MGAM: variants seen among roughly 807,000 people sequenced by gnomAD.
MGAM encodes the protein maltase-glucoamylase, also known as alpha-1,4-glucosidase.
MGAM carries 253 observed loss-of-function variants against 358.8 expected under a neutral mutation model. The ratio of observed to expected loss-of-function variants is 0.71; its 90% CI spans 0.64 to 0.78. The LOEUF (loss-of-function observed/expected upper bound fraction) is 0.78, where lower values mean the gene tolerates loss of function less well. Among genes scored for constraint, MGAM ranks in the 30% least tolerant of loss-of-function variants. The pLI, the probability that MGAM is intolerant of heterozygous loss-of-function variation, is 0.00. For synonymous variants in MGAM, 1,105 were observed against 1,227.1 expected (o/e 0.90, Z 2.08); for missense variants, 3,080 against 3,432.6 (o/e 0.90, Z 2.57).
In MGAM at chr7:142,105,983, T is replaced by A; in HGVS notation, c.*92T>A. On this transcript the variant is annotated 3_prime_UTR_variant, in exon 71 of 71. Coordinates refer to ENST00000475668, the MANE Select transcript of MGAM (RefSeq NM_001365693.1). ...AAATTATTGTGTGTTGCTAATTTGT[T>A]CATACCCACTATTGGTGAAATATTT... is the stretch of plus-strand genomic sequence containing the variant. 1.0e-5 allele frequency: 10 copies of A among 968,374 alleles called. No homozygotes were observed. Among genetic ancestry groups the A allele is most frequent in the Non-Finnish European group, 1.6e-5 (10 of 611,966 alleles). The allele number at this position is 968,374 out of a possible 1,614,324, so 60.0% of individuals were successfully genotyped here.
Position 142,075,326 on chromosome 7 carries a change from G to A in MGAM, c.5276-877G>A, listed in dbSNP as rs1444704540. On this transcript the variant is annotated intron_variant, in intron 45 of 70. Transcript: ENST00000475668. Reference sequence around the variant, plus strand: ...AAATTGAAATGTAAGGGCTAAAATTGTAAAGCTCCTAGAAGAAAACATAGC... The same window carrying A: ...AAATTGAAATGTAAGGGCTAAAATTATAAAGCTCCTAGAAGAAAACATAGC... 2.7e-5 allele frequency among the ~76,000 whole-genome samples: 4 copies of A among 146,176 alleles called. 2 individuals are homozygous for A. Among genetic ancestry groups the A allele is most frequent in the Non-Finnish European group, 6.2e-5 (4 of 64,622 alleles).
chr7:142,047,663 G>T (rs1485555732), intron 21 of MGAM, 122 bp from the exon 22 acceptor site: 1 of 883,118 alleles, frequency 1.1e-6, no homozygotes, highest in Non-Finnish European at 1.8e-6. Flanking sequence ...TGTGCCTGAA[G>T]AAAAGCAGAA....
Position 142,052,998 on chromosome 7 carries a change from A to G in MGAM, c.3159+14A>G, listed in dbSNP as rs756272333. 9 of 1,612,042 alleles carry G rather than the reference A, an allele frequency of 5.6e-6. No individual in the cohort carries two copies. The highest frequency in any genetic ancestry group is 2.7e-5 in the African/African-American group (2 of 74,868). On this transcript the variant is annotated intron_variant, in intron 26 of 70. Transcript: ENST00000475668. ...CTGCAGTTCAAGGTAAACACAGTAC[A>G]TGTATCAGGTAGTGATTAGACCCTT...
At chr7:142,001,618 C>T (rs1554450646) in intron 1 of MGAM, among the ~76,000 whole-genome samples, 1 of 152,158 alleles carries the variant, frequency 6.6e-6, no homozygotes, top group African/African-American at 2.4e-5. Flanking sequence ...GGCTCCTCTT[C>T]CTGGCTTTCT....
intron 1 of MGAM, among the ~76,000 whole-genome samples, chr7:141,998,378 G>T (rs1804443516): frequency 6.6e-6 from 1 of 152,010 alleles, no homozygotes; most frequent in African/African-American, 2.4e-5. Flanking sequence ...CATGCATTAG[G>T]TATTTGTCAT....
chr7:142,018,528 T>C (rs1311875014), intron 3 of MGAM, among the ~76,000 whole-genome samples: 1 of 152,208 alleles, frequency 6.6e-6, no homozygotes, highest in African/African-American at 2.4e-5. Context: ...TTCTTTGTCC[T>C]TTTTTGTATT....
chr7:142,023,687 A>G (rs555445396), intron 7 of MGAM, among the ~76,000 whole-genome samples: 3 of 152,088 alleles, frequency 2.0e-5, no homozygotes, highest in African/African-American at 7.2e-5. Context: ...TCAAAAAAAA[A>G]GAGGTTGTAA....
intron 44 of MGAM, among the ~76,000 whole-genome samples, chr7:142,071,351 AT>A: frequency 6.8e-6 from 1 of 146,766 alleles, no homozygotes; most frequent in South Asian, 2.2e-4. Context: ...TAAGAATGTC[AT>A]TTTTTAAATC....
At position 142,056,913 on chromosome 7, in the gene MGAM, C is replaced by T; in HGVS notation, c.3664C>T (p.Pro1222Ser). Residue 1222 changes from proline (P) to serine (S), a missense_variant, in exon 30 of 71, where the codon CCA becomes TCA. By Grantham distance (74) the Pro-to-Ser change is moderately conservative (BLOSUM62 -1). Coordinates refer to ENST00000475668, the MANE Select transcript of MGAM (RefSeq NM_001365693.1). ...CTTTTATGTGTTCTTGGGGCCGACTCCAGAGCTTGTCACCCAGCAGTACAC... is the reference window on the plus strand; with the variant it reads ...CTTTTATGTGTTCTTGGGGCCGACTTCAGAGCTTGTCACCCAGCAGTACAC... ...LDFYVFLGPT[P>S]ELVTQQYTEL... 1 of 1,613,832 alleles carries T rather than the reference C, an allele frequency of 6.2e-7. No individual in the cohort carries two copies. Among genetic ancestry groups the T allele is most frequent in the East Asian group, 2.2e-5 (1 of 44,854 alleles).
At position 142,041,966 on chromosome 7, in the gene MGAM, T is replaced by C. The variant is rs184185119; in HGVS notation, c.2498+1120T>C. On this transcript the variant is annotated intron_variant, in intron 21 of 70. Coordinates refer to ENST00000475668, the MANE Select transcript of MGAM (RefSeq NM_001365693.1). ...TATATATACATATATATAATATATA[T>C]ATATTATATATATATAATATAATAT... 2.7e-3 allele frequency among the ~76,000 whole-genome samples: 43 copies of C among 15,886 alleles called. 2 individuals are homozygous for C. Among genetic ancestry groups the C allele is most frequent in the East Asian group, 4.5e-3 (3 of 662 alleles). 10.4% of individuals were successfully genotyped at this position (15,886 alleles called of 152,430 possible). A position where few individuals can be genotyped will look rare whatever the true frequency, so the allele number is the denominator to read the frequency against.
At position 142,040,128 on chromosome 7, in the gene MGAM, T is replaced by C; in HGVS notation, c.2330T>C (p.Val777Ala). The C allele has an allele frequency of 6.2e-7, 1 of 1,612,360 alleles. No homozygotes were observed. The highest frequency in any genetic ancestry group is 1.3e-5 in the African/African-American group (1 of 75,034). ...TPVLDEGAEK[V>A]MAYVPDAVWY... ...TTTTAATTTCAGGGTGCAGAGAAAG[T>C]GATGGCATATGTGCCTGATGCTGTC... Residue 777 changes from valine (V) to alanine (A), a missense_variant, in exon 20 of 71, where the codon GTG (valine) becomes GCG (alanine). Physicochemically the swap from Val to Ala is moderately conservative, Grantham distance 64. This residue lies in a region of MGAM where 1,816 missense variants were observed against 1,840.5 expected (regional missense o/e 0.99). Transcript: ENST00000475668.
Position 142,028,482 on chromosome 7 carries a change from A to G in MGAM, c.1221+747A>G, listed in dbSNP as rs187384652. Among the ~76,000 whole-genome samples, 3 of 152,304 alleles carry G rather than the reference A, an allele frequency of 2.0e-5. No individual in the cohort carries two copies. The East Asian group carries it at 5.8e-4, about 29-fold the overall frequency. ...GTAAATTGAGGCTGTCAGGGGAAAT[A>G]CTATGACCAAGACCACATAGGTAAT... On this transcript the variant is annotated intron_variant, in intron 10 of 70. Coordinates refer to ENST00000475668, the MANE Select transcript of MGAM (RefSeq NM_001365693.1).
At chr7:142,078,772 G>A (rs1813965356) in intron 48 of MGAM, 36 bp from the exon 49 acceptor site, 1 of 1,509,962 alleles carries the variant, frequency 6.6e-7, no homozygotes, top group Admixed American at 1.7e-5. Context: ...AAGACCACAT[G>A]CTGTGCTGAT....
intron 1 of MGAM, among the ~76,000 whole-genome samples, chr7:142,002,725 T>A (rs1241975653): frequency 6.6e-6 from 1 of 152,062 alleles, no homozygotes; most frequent in Non-Finnish European, 1.5e-5. Flanking sequence ...CTGGGAGTCC[T>A]AGCTGCAGCA....
rs560928082 is a variant in MGAM at position 142,089,373 on chromosome 7, C to T, written c.6811-2540C>T. ...TCCACAAAATATCTCTCACCTCAAACGCCAGTTATACCCCTGATGAGAAAC... is the reference window on the plus strand; with the variant it reads ...TCCACAAAATATCTCTCACCTCAAATGCCAGTTATACCCCTGATGAGAAAC... On this transcript the variant is annotated intron_variant, in intron 57 of 70. Coordinates refer to ENST00000475668, the MANE Select transcript of MGAM (RefSeq NM_001365693.1). 1.5e-4 allele frequency among the ~76,000 whole-genome samples: 22 copies of T among 146,876 alleles called. 3 individuals are homozygous for T. The highest frequency in any genetic ancestry group is 4.1e-4 in the African/African-American group (17 of 41,312).
chr7:142,038,036 G>C (rs1808148513), intron 18 of MGAM, among the ~76,000 whole-genome samples: 2 of 151,482 alleles, frequency 1.3e-5, no homozygotes, highest in Non-Finnish European at 2.9e-5. Context: ...TAACCATCTT[G>C]ACCTCCCTCC....
chr7:142,058,627 C>G lies in MGAM; in HGVS notation c.3819+299C>G, dbSNP rs530911064. 3.1e-4 allele frequency among the ~76,000 whole-genome samples: 47 copies of G among 152,258 alleles called. 1 individual carries two copies. Among genetic ancestry groups the G allele is most frequent in the Admixed American group, 2.7e-3 (42 of 15,294 alleles). Reference sequence around the variant, plus strand: ...TTCACTTGGCTTCAAAACATGTAGTCAAAAAAGTCCTTGGTTTCATAAGAA... The same window carrying G: ...TTCACTTGGCTTCAAAACATGTAGTGAAAAAAGTCCTTGGTTTCATAAGAA... On this transcript the variant is annotated intron_variant, in intron 31 of 70. Transcript: ENST00000475668.
intron 1 of MGAM, among the ~76,000 whole-genome samples, chr7:141,998,849 T>C (rs1554449698): frequency 6.6e-6 from 1 of 152,206 alleles, no homozygotes. Flanking sequence ...TCCACAATGC[T>C]TGAACTAATT....
At chr7:142,051,825 G>C (rs924656584) in intron 24 of MGAM, among the ~76,000 whole-genome samples, 1 of 151,956 alleles carries the variant, frequency 6.6e-6, no homozygotes, top group African/African-American at 2.4e-5. Context: ...ATTAAAAAAA[G>C]AAATCATTTG....
Sources: gnomAD v4.1 joint callset for allele counts (sites outside exome capture counted in the v4.1 genomes callset) on GRCh38, gnomAD v4.1.1 for gene constraint, gnomAD v4.1.1 regional missense constraint, MANE v1.5 for transcripts, NCBI Gene and HGNC (gene_info 2026-07-23, HGNC 2026-07-21) for gene names.